The following HS3ST4 variants were observed in gnomAD, a reference collection of about 807,000 sequenced individuals.
HS3ST4 encodes the protein heparan sulfate-glucosamine 3-sulfotransferase 4, also known as heparan sulfate glucosamine 3-O-sulfotransferase 4.
Under a neutral mutation model 29.2 loss-of-function variants are expected in HS3ST4, and 17 were observed. That is an observed-to-expected ratio of 0.58 (90% CI 0.40 to 0.87). HS3ST4 has a LOEUF of 0.87. HS3ST4 is among the 40% of genes least tolerant of loss of function. The pLI, the probability that HS3ST4 is intolerant of heterozygous loss-of-function variation, is 0.00. For synonymous variants in HS3ST4, 314 were observed against 285.7 expected, an observed-to-expected ratio of 1.10 and a Z score of -1.00; for missense variants, 627 against 634.5, an observed-to-expected ratio of 0.99 and a Z score of 0.13.
chr16:25,958,967 C>T (rs1032849711), intron 1 of HS3ST4, among the ~76,000 whole-genome samples: 2 of 152,214 alleles, frequency 1.3e-5, no homozygotes, highest in African/African-American at 4.8e-5. Context: ...ATAATAAGTT[C>T]ATTGCACAAT....
intron 1 of HS3ST4, among the ~76,000 whole-genome samples, chr16:25,914,786 T>G (rs1968276230): frequency 6.6e-6 from 1 of 151,910 alleles, no homozygotes; most frequent in Admixed American, 6.6e-5. Flanking sequence ...CCTGCTGTGC[T>G]TGAGGGATTC....
chr16:25,700,727 A>G (rs974331549), intron 1 of HS3ST4, among the ~76,000 whole-genome samples: 1 of 152,210 alleles, frequency 6.6e-6, no homozygotes, highest in Admixed American at 6.5e-5. Context: ...CGGTTTAACA[A>G]GCTCCTCTGT....
intron 1 of HS3ST4, among the ~76,000 whole-genome samples, chr16:25,853,252 A>AT (rs979394173): frequency 6.6e-6 from 1 of 151,358 alleles, no homozygotes; most frequent in Admixed American, 6.6e-5. Flanking sequence ...ACTTTACTGT[A>AT]TTTTTTCATT....
At chr16:25,828,517 T>G (rs528706870) in intron 1 of HS3ST4, among the ~76,000 whole-genome samples, 104 of 151,708 alleles carry the variant, frequency 6.9e-4, no homozygotes, top group African/African-American at 2.5e-3. Flanking sequence ...GTTTTTGTAT[T>G]TTTAGTAGAG....
At chr16:25,736,771 A>G (rs35454800) in intron 1 of HS3ST4, among the ~76,000 whole-genome samples, 66,892 of 151,986 alleles carry the variant, frequency 0.44, 16,517 homozygotes, top group Non-Finnish European at 0.56. Context: ...TGTTCCATCA[A>G]ATCTCTTGCA....
At chr16:25,884,948 G>C (rs796463502) in intron 1 of HS3ST4, among the ~76,000 whole-genome samples, 1 of 152,120 alleles carries the variant, frequency 6.6e-6, no homozygotes, top group Non-Finnish European at 1.5e-5. Context: ...GTTCATAAAG[G>C]TTACTTAAAT....
At chr16:25,729,571 G>A (rs11865493) in intron 1 of HS3ST4, among the ~76,000 whole-genome samples, 3,708 of 152,286 alleles carry the variant, frequency 0.024, 91 homozygotes, top group African/African-American at 0.064. Context: ...GACAGATTTC[G>A]AAGTACAAAT....
intron 1 of HS3ST4, among the ~76,000 whole-genome samples, chr16:26,087,135 T>C (rs1394606138): frequency 6.6e-6 from 1 of 152,262 alleles, no homozygotes; most frequent in Non-Finnish European, 1.5e-5. Flanking sequence ...GGAAGAGGAA[T>C]GGTAATTAAG....
At chr16:26,049,385 C>CCGGA (rs1898308618) in intron 1 of HS3ST4, among the ~76,000 whole-genome samples, 1 of 148,974 alleles carries the variant, frequency 6.7e-6, no homozygotes, top group South Asian at 2.1e-4. Flanking sequence ...AGGTCTACAT[C>CCGGA]CGGAGGTCTA....
At chr16:25,758,395 C>T (rs776960239) in intron 1 of HS3ST4, among the ~76,000 whole-genome samples, 8 of 152,152 alleles carry the variant, frequency 5.3e-5, no homozygotes, top group Non-Finnish European at 8.8e-5. Context: ...AGTTTTAACC[C>T]ATTGTCAGGA....
chr16:26,041,146 T>C (rs1194457225), intron 1 of HS3ST4, among the ~76,000 whole-genome samples: 5 of 152,064 alleles, frequency 3.3e-5, no homozygotes, highest in Non-Finnish European at 5.9e-5. Context: ...GAGACCAGTC[T>C]GGGCAACACA....
intron 1 of HS3ST4, among the ~76,000 whole-genome samples, chr16:25,747,046 A>T (rs887335299): frequency 3.3e-5 from 5 of 152,024 alleles, no homozygotes; most frequent in Non-Finnish European, 7.4e-5. Context: ...TTCTGTAGAG[A>T]TGGAAGTTGC....
rs770621221 is a variant in HS3ST4, at chr16:25,998,080, AAAAC to A, written c.735-137516_735-137513del. 5.8e-4 allele frequency among the ~76,000 whole-genome samples: 88 copies of A among 152,220 alleles called. 2 individuals are homozygous for A. The East Asian group carries it at 0.013, about 22-fold the overall frequency. On this transcript the variant is annotated intron_variant, in intron 1 of 1. Transcript: ENST00000331351. ...GTGAAACCACATTCCTAGAAAAAGC[AAAAC>A]AAACAAACAAACAAAAACACCTTAA...
intron 1 of HS3ST4, among the ~76,000 whole-genome samples, chr16:25,951,371 T>G (rs1327969103): frequency 6.6e-6 from 1 of 152,210 alleles, no homozygotes; most frequent in Non-Finnish European, 1.5e-5. Context: ...ACAATCGAGT[T>G]GATATTAGGC....
At chr16:25,894,374 G>A (rs1267762079) in intron 1 of HS3ST4, among the ~76,000 whole-genome samples, 2 of 152,174 alleles carry the variant, frequency 1.3e-5, no homozygotes, top group African/African-American at 2.4e-5. Flanking sequence ...GTTGTGGGAG[G>A]CAAGGTGAGC....
At chr16:26,082,983 G>C (rs7206378) in intron 1 of HS3ST4, among the ~76,000 whole-genome samples, 2 of 152,056 alleles carry the variant, frequency 1.3e-5, no homozygotes, top group South Asian at 2.1e-4. Context: ...GAATGGGATG[G>C]GATAAGCATT....
chr16:25,950,813 T>C (rs1044003753), intron 1 of HS3ST4, among the ~76,000 whole-genome samples: 4 of 152,090 alleles, frequency 2.6e-5, no homozygotes, highest in Non-Finnish European at 4.4e-5. Context: ...AAGCCCCACC[T>C]CCGGGGGTTG....
rs143860544 is a variant in HS3ST4 at position 25,786,006 on chromosome 16, G to A, written c.734+92855G>A. On this transcript the variant is annotated intron_variant, in intron 1 of 1. Coordinates refer to ENST00000331351, the MANE Select transcript of HS3ST4 (RefSeq NM_006040.3). ...CATTGATAGAATTGCTCTTGAAGAC[G>A]TAGAATCAACAGGTCTGTGAGAGAG... 8.7e-3 allele frequency among the ~76,000 whole-genome samples: 1,332 copies of A among 152,272 alleles called. 12 individuals are homozygous for A. The highest frequency in any genetic ancestry group is 0.031 in the African/African-American group (1,275 of 41,556).
chr16:25,865,129 A>T (rs543823037), intron 1 of HS3ST4, among the ~76,000 whole-genome samples: 8 of 152,292 alleles, frequency 5.3e-5, no homozygotes, highest in Non-Finnish European at 1.0e-4. Context: ...ATATGTCTTT[A>T]ACACAGATTT....
Sources: allele counts gnomAD v4.1 joint callset (sites outside exome capture counted in the v4.1 genomes callset), GRCh38; gene constraint gnomAD v4.1.1; transcripts MANE v1.5; gene names NCBI Gene and HGNC (gene_info 2026-07-23, HGNC 2026-07-21).